The following MGAT4A variants were observed in gnomAD, a reference collection of about 807,000 sequenced individuals.
MGAT4A encodes the protein alpha-1,3-mannosyl-glycoprotein 4-beta-N-acetylglucosaminyltransferase A, also known as N-acetylglucosaminyltransferase IVa.
MGAT4A carries 33 observed loss-of-function variants against 74.1 expected under a neutral mutation model. The ratio of observed to expected loss-of-function variants is 0.45; its 90% CI spans 0.34 to 0.60. MGAT4A has a LOEUF of 0.60. Among genes scored for constraint, MGAT4A ranks in the 20% least tolerant of loss-of-function variants. The probability of loss-of-function intolerance (pLI) is 0.02; values close to 1 mark genes in which losing one functional copy is unlikely to be tolerated. For missense variants in MGAT4A, 479 were observed against 628.3 expected (o/e 0.76, Z 2.54); for synonymous variants, 198 against 210.4 (o/e 0.94, Z 0.51).
chr2:98,656,728 C>T (rs2104261246), intron 6 of MGAT4A, among the ~76,000 whole-genome samples: 1 of 151,192 alleles, frequency 6.6e-6, no homozygotes, highest in South Asian at 2.1e-4. Flanking sequence ...GCATAGAAAT[C>T]CTAAGCCAAC....
At chr2:98,670,656 T>C in intron 4 of MGAT4A, among the ~76,000 whole-genome samples, 1 of 152,218 alleles carries the variant, frequency 6.6e-6, no homozygotes, top group East Asian at 1.9e-4. Flanking sequence ...CTTTAGTCAT[T>C]TATTCCTCAT....
intron 2 of MGAT4A, among the ~76,000 whole-genome samples, chr2:98,703,667 C>T (rs1470472725): frequency 2.0e-5 from 3 of 152,018 alleles, no homozygotes; most frequent in Non-Finnish European, 4.4e-5. Flanking sequence ...TCCAGTGTGA[C>T]CTGGCCCCTG....
chr2:98,626,163 C>G (rs1701140951), intron 14 of MGAT4A, among the ~76,000 whole-genome samples: 1 of 152,158 alleles, frequency 6.6e-6, no homozygotes. Context: ...TTACCTAAAT[C>G]TTACCAAAAT....
Position 98,682,447 on chromosome 2 carries a change from AC to A in MGAT4A, c.95-3977del, listed in dbSNP as rs1215115273. Among the ~76,000 whole-genome samples the A allele has an allele frequency of 1.9e-3, 279 of 149,508 alleles. 2 individuals are homozygous for A. Among genetic ancestry groups the A allele is most frequent in the African/African-American group, 6.6e-3 (267 of 40,182 alleles). ...CAAAAAAAAAAAAAAAAAAAAAAAA[AC>A]CACCACTTTGCAACCATCATAGCAA... On this transcript the variant is annotated intron_variant, in intron 2 of 15. Coordinates refer to ENST00000393487, the MANE Select transcript of MGAT4A (RefSeq NM_012214.3).
Position 98,635,255 on chromosome 2 carries a change from C to G in MGAT4A, c.1435G>C (p.Asp479His). 6.2e-7 allele frequency: 1 copy of G among 1,609,268 alleles called. No homozygotes were observed. Among genetic ancestry groups the G allele is most frequent in the South Asian group, 1.1e-5 (1 of 90,486 alleles). ...AAATAGCCATCTTCTAATCGTTTGT[C>G]TTTGGTTTCTTTGCTTATTTCCAAA... ...EGLEISKETK[D>H]KRLEDGYFRI... Residue 479 changes from aspartate to histidine, a missense_variant, in exon 14 of 16, where the codon GAC becomes CAC. Asp to His is a moderately conservative substitution (Grantham distance 81). Transcript: ENST00000393487.
intron 14 of MGAT4A, among the ~76,000 whole-genome samples, chr2:98,627,249 G>A (rs1044361900): frequency 6.6e-5 from 10 of 152,182 alleles, no homozygotes; most frequent in Non-Finnish European, 2.9e-5. Context: ...GGTGCTTCAA[G>A]TTCAATGTTA....
chr2:98,651,058 C>G lies in MGAT4A; in HGVS notation c.774+4387G>C, dbSNP rs934283677. 3.4e-5 allele frequency among the ~76,000 whole-genome samples: 5 copies of G among 145,042 alleles called. No homozygotes were observed. The East Asian group carries it at 1.0e-3, about 29-fold the overall frequency. Reference sequence around the variant, plus strand: ...CCAGCCTGGGGAACAGAGCAAGACTCCATCTCAAAAAAAAAAGAAAGAAAG... The same window carrying G: ...CCAGCCTGGGGAACAGAGCAAGACTGCATCTCAAAAAAAAAAGAAAGAAAG... On this transcript the variant is annotated intron_variant, in intron 8 of 15. Coordinates refer to ENST00000393487, the MANE Select transcript of MGAT4A (RefSeq NM_012214.3).
chr2:98,670,334 C>T (rs1349323409), intron 4 of MGAT4A, among the ~76,000 whole-genome samples: 2 of 152,128 alleles, frequency 1.3e-5, no homozygotes, highest in African/African-American at 4.8e-5. Context: ...AGTAATTGTG[C>T]ATATGTAGTA....
chr2:98,679,194 C>CA lies in MGAT4A; in HGVS notation c.95-724dup, dbSNP rs1198399808. On this transcript the variant is annotated intron_variant, in intron 2 of 15. Transcript: ENST00000393487. ...GGCCGAGGTGGGCGGATCACGAGGT[C>CA]AGGAGATCGAGACCATCCTGGCTAA... 3.3e-5 allele frequency among the ~76,000 whole-genome samples: 5 copies of CA among 152,004 alleles called. 1 individual carries two copies. The highest frequency in any genetic ancestry group is 1.2e-4 in the African/African-American group (5 of 41,346).
intron 7 of MGAT4A, 25 bp from the exon 8 acceptor site, chr2:98,655,545 A>T (rs779688556): frequency 1.4e-5 from 22 of 1,522,690 alleles, no homozygotes; most frequent in Non-Finnish European, 2.0e-5. Flanking sequence ...TTCAAAAAGT[A>T]AGTTAGGAAT....
chr2:98,677,856 G>C (rs1306957029), intron 3 of MGAT4A, among the ~76,000 whole-genome samples: 1 of 135,444 alleles, frequency 7.4e-6, no homozygotes, highest in Non-Finnish European at 1.6e-5. Flanking sequence ...TTTGTGTGGT[G>C]GTTTTTCTCT....
intron 2 of MGAT4A, among the ~76,000 whole-genome samples, chr2:98,717,715 C>CTTACTGTTTAATTTACTGTT (rs1702611640): frequency 6.6e-6 from 1 of 152,128 alleles, no homozygotes; most frequent in South Asian, 2.1e-4. Flanking sequence ...TGCTGTTCAA[C>CTTACTGTTTAATTTACTGTT]TTACTGTTTA....
At chr2:98,671,685 C>G (rs1701912716) in intron 4 of MGAT4A, among the ~76,000 whole-genome samples, 1 of 152,056 alleles carries the variant, frequency 6.6e-6, no homozygotes, top group Non-Finnish European at 1.5e-5. Context: ...TGCCGTAATT[C>G]CTGGAGCCTC....
intron 2 of MGAT4A, among the ~76,000 whole-genome samples, chr2:98,710,333 T>C (rs1702498088): frequency 6.6e-6 from 1 of 152,170 alleles, no homozygotes; most frequent in East Asian, 1.9e-4. Flanking sequence ...TGTGACAATG[T>C]AGATATTAAA....
At chr2:98,691,100 G>A (rs920697040) in intron 2 of MGAT4A, among the ~76,000 whole-genome samples, 2 of 152,150 alleles carry the variant, frequency 1.3e-5, no homozygotes, top group Non-Finnish European at 2.9e-5. Context: ...GCAACATAGA[G>A]AAAGAGGGTG....
intron 8 of MGAT4A, among the ~76,000 whole-genome samples, chr2:98,652,762 T>C (rs1701600979): frequency 6.6e-6 from 1 of 152,130 alleles, no homozygotes; most frequent in Non-Finnish European, 1.5e-5. Flanking sequence ...ACTACTGGTA[T>C]GCACCACCAT....
intron 12 of MGAT4A, among the ~76,000 whole-genome samples, chr2:98,637,812 T>C (rs1701344932): frequency 6.6e-6 from 1 of 152,200 alleles, no homozygotes; most frequent in South Asian, 2.1e-4. Context: ...AGAGGACTGC[T>C]CCAATCAGTT....
chr2:98,653,874 C>T (rs1402176517), intron 8 of MGAT4A, among the ~76,000 whole-genome samples: 2 of 152,110 alleles, frequency 1.3e-5, no homozygotes, highest in Non-Finnish European at 2.9e-5. Context: ...CACAAGAAAA[C>T]TACAGACCAA....
At chr2:98,721,606 C>A (rs921853263) in intron 2 of MGAT4A, among the ~76,000 whole-genome samples, 1 of 151,922 alleles carries the variant, frequency 6.6e-6, no homozygotes, top group Non-Finnish European at 1.5e-5. Context: ...GCAACATTAA[C>A]AGATGTAATA....
Sources: gnomAD v4.1 joint callset for allele counts (sites outside exome capture counted in the v4.1 genomes callset) on GRCh38, gnomAD v4.1.1 for gene constraint, MANE v1.5 for transcripts, NCBI Gene and HGNC (gene_info 2026-07-23, HGNC 2026-07-21) for gene names.